ATG7: variants seen among roughly 807,000 people sequenced by gnomAD.
ATG7 encodes the protein ubiquitin-like modifier-activating enzyme ATG7.
In ATG7, 70 loss-of-function variants were observed where a neutral mutation model predicts 82.4. The observed-to-expected ratio is 0.85, with a 90% confidence interval of 0.70 to 1.04. The LOEUF (loss-of-function observed/expected upper bound fraction) is 1.04. Ranked by LOEUF, ATG7 falls within the 50% of genes least tolerant of loss-of-function variation. ATG7 has a pLI of 0.00. For missense variants in ATG7, 792 were observed against 864.3 expected (o/e 0.92, Z 1.05); for synonymous variants, 287 against 313.0 (o/e 0.92, Z 0.88).
At chr3:11,458,031 A>G (rs1270200253) in intron 20 of ATG7, among the ~76,000 whole-genome samples, 2 of 152,234 alleles carry the variant, frequency 1.3e-5, no homozygotes, top group African/African-American at 4.8e-5. Flanking sequence ...AGATGCCTTA[A>G]TAGTAAATGA....
At position 11,372,851 on chromosome 3, in the gene ATG7, C is replaced by CATGT. The variant is rs2077123701; in HGVS notation, c.1876-7121_1876-7120insATGT. Among the ~76,000 whole-genome samples the CATGT allele has an allele frequency of 2.4e-4, 20 of 83,348 alleles. 1 individual carries two copies. The South Asian group carries it at 5.4e-3, about 22-fold the overall frequency. The allele number at this position is 83,348 out of a possible 152,430, so 54.7% of individuals were successfully genotyped here. ...GCGTGTGTGTGCGTGCGTGCGTGTG[C>CATGT]GTGTGTGTGTGTGAAATCGGCCATG... On this transcript the variant is annotated intron_variant, in intron 18 of 20. Coordinates refer to ENST00000693202, the MANE Select transcript of ATG7 (RefSeq NM_001349232.2).
intron 20 of ATG7, among the ~76,000 whole-genome samples, chr3:11,554,084 G>A (rs917166866): frequency 5.3e-5 from 8 of 152,184 alleles, no homozygotes; most frequent in African/African-American, 1.9e-4. Context: ...GGAATGAATG[G>A]GCCTGGGCCC....
At chr3:11,464,915 T>C (rs1233203325) in intron 20 of ATG7, among the ~76,000 whole-genome samples, 1 of 152,150 alleles carries the variant, frequency 6.6e-6, no homozygotes, top group Admixed American at 6.5e-5. Context: ...TTAAGTAATA[T>C]AATGTATTTG....
At chr3:11,410,320 A>T (rs1316417383) in intron 19 of ATG7, among the ~76,000 whole-genome samples, 1 of 152,104 alleles carries the variant, frequency 6.6e-6, no homozygotes. Flanking sequence ...GCTAATGTGA[A>T]TGATATTGTA....
intron 19 of ATG7, among the ~76,000 whole-genome samples, chr3:11,382,665 C>T (rs966132640): frequency 1.3e-5 from 2 of 152,184 alleles, no homozygotes; most frequent in Admixed American, 6.5e-5. Context: ...TGTGGTGTTA[C>T]TACCAGAGGG....
At chr3:11,388,327 ACT>A (rs2078473973) in intron 19 of ATG7, among the ~76,000 whole-genome samples, 1 of 151,518 alleles carries the variant, frequency 6.6e-6, no homozygotes, top group Non-Finnish European at 1.5e-5. Flanking sequence ...GACGGTACTA[ACT>A]CTCCTCAGAG....
chr3:11,311,952 A>T (rs2152718494), intron 7 of ATG7, among the ~76,000 whole-genome samples: 1 of 151,304 alleles, frequency 6.6e-6, no homozygotes, highest in East Asian at 1.9e-4. Context: ...CATTTATATG[A>T]AAAGTCCAGA....
At chr3:11,381,274 T>G (rs1167354437) in intron 19 of ATG7, among the ~76,000 whole-genome samples, 1 of 151,968 alleles carries the variant, frequency 6.6e-6, no homozygotes, top group African/African-American at 2.4e-5. Context: ...GTTTTAGGAT[T>G]GTATACTACA....
intron 8 of ATG7, among the ~76,000 whole-genome samples, chr3:11,313,635 C>T (rs41293375): frequency 0.038 from 5,806 of 152,180 alleles, 123 homozygotes; most frequent in African/African-American, 0.051. Flanking sequence ...TGGGTCTCAC[C>T]CCCATTACGC....
downstream of ATG7, chr3:11,558,815 C>T: frequency 1.2e-6 from 2 of 1,610,924 alleles, no homozygotes; most frequent in Non-Finnish European, 1.7e-6. Flanking sequence ...CACGGGGTCA[C>T]AGGTGGTGGC....
downstream of ATG7, among the ~76,000 whole-genome samples, chr3:11,562,311 A>G (rs754605948): frequency 3.2e-4 from 48 of 152,156 alleles, 2 homozygotes; most frequent in Middle Eastern, 0.02. Context: ...ATGGGGGGAC[A>G]CTTTCTGTAG....
intron 20 of ATG7, among the ~76,000 whole-genome samples, chr3:11,550,533 C>T (rs1216871484): frequency 6.6e-6 from 1 of 152,010 alleles, no homozygotes; most frequent in Admixed American, 6.5e-5. Context: ...GTTGCTGGGA[C>T]TACAGACACA....
intron 7 of ATG7, among the ~76,000 whole-genome samples, chr3:11,311,570 A>G: frequency 6.7e-6 from 1 of 148,584 alleles, no homozygotes; most frequent in South Asian, 2.1e-4. Flanking sequence ...GTGCCGTTGC[A>G]CTCCAGCCTG....
At chr3:11,497,911 A>C (rs1347035640) in intron 20 of ATG7, among the ~76,000 whole-genome samples, 1 of 152,152 alleles carries the variant, frequency 6.6e-6, no homozygotes, top group Non-Finnish European at 1.5e-5. Flanking sequence ...TTAAAGCCAC[A>C]ATTTTGGTTC....
At chr3:11,521,742 C>T (rs376101737) in intron 20 of ATG7, among the ~76,000 whole-genome samples, 381 of 151,760 alleles carry the variant, frequency 2.5e-3, no homozygotes, top group African/African-American at 8.8e-3. Flanking sequence ...TTAGTAGAGA[C>T]GGGGTTTCAC....
chr3:11,554,826 G>A lies in ATG7; in HGVS notation c.2095G>A (p.Asp699Asn), dbSNP rs372353369. 46 of 1,613,216 alleles carry A rather than the reference G, an allele frequency of 2.9e-5. No homozygotes were observed. Among genetic ancestry groups the A allele is most frequent in the East Asian group, 6.7e-5 (3 of 44,854 alleles). Residue 699 changes from aspartate to asparagine, a missense_variant, in exon 21 of 21, where the codon GAT becomes AAT. Asp to Asn is a conservative substitution (Grantham distance 23, BLOSUM62 1). Transcript: ENST00000693202. ...TQAAEIWDMSDDETI is the reference protein window; with the variant it reads ...TQAAEIWDMSNDETI ...CTCCATGCAGATCTGGGACATGAGCGATGATGAGACCATCTGAGATGGCCC... is the reference window on the plus strand; with the variant it reads ...CTCCATGCAGATCTGGGACATGAGCAATGATGAGACCATCTGAGATGGCCC...
chr3:11,385,319 C>G (rs1054973747), intron 19 of ATG7, among the ~76,000 whole-genome samples: 3 of 152,190 alleles, frequency 2.0e-5, no homozygotes, highest in African/African-American at 7.2e-5. Flanking sequence ...TGAGCCACTG[C>G]GCTCAGCCAG....
chr3:11,390,126 G>C (rs188536253), intron 19 of ATG7, among the ~76,000 whole-genome samples: 6 of 152,254 alleles, frequency 3.9e-5, no homozygotes, highest in Admixed American at 3.9e-4. Flanking sequence ...GCTCAACATC[G>C]CTCTTTCTTA....
chr3:11,420,848 T>G (rs1408514740), intron 19 of ATG7, among the ~76,000 whole-genome samples: 1 of 150,902 alleles, frequency 6.6e-6, no homozygotes. Flanking sequence ...CTCTGCTTCC[T>G]GGGTTCATGC....
Sources: allele counts gnomAD v4.1 joint callset (sites outside exome capture counted in the v4.1 genomes callset), GRCh38; gene constraint gnomAD v4.1.1; transcripts MANE v1.5; gene names NCBI Gene and HGNC (gene_info 2026-07-23, HGNC 2026-07-21).